The following MRPS27 variants were observed in gnomAD, a reference collection of about 807,000 sequenced individuals.
MRPS27 encodes small ribosomal subunit protein mS27.
MRPS27 carries 43 observed loss-of-function variants against 48.9 expected under a neutral mutation model. That is an observed-to-expected ratio of 0.88 (90% confidence interval 0.69 to 1.13). The LOEUF (loss-of-function observed/expected upper bound fraction) is 1.13. Ranked by LOEUF, MRPS27 falls within the 50% of genes most tolerant of loss-of-function variation. The pLI is 0.00. For missense variants in MRPS27, 467 were observed against 476.3 expected, an observed-to-expected ratio of 0.98 and a Z score of 0.18; for synonymous variants, 188 against 171.9, an observed-to-expected ratio of 1.09 and a Z score of -0.73.
intron 5 of MRPS27, among the ~76,000 whole-genome samples, chr5:72,236,735 A>G (rs1019750357): frequency 8.6e-5 from 13 of 151,934 alleles, no homozygotes; most frequent in Admixed American, 8.5e-4. Context: ...GTTCAGACTG[A>G]GTCTTTGTTT....
intron 4 of MRPS27, among the ~76,000 whole-genome samples, chr5:72,293,613 C>G (rs947270964): frequency 2.0e-5 from 3 of 152,150 alleles, no homozygotes; most frequent in Admixed American, 2.0e-4. Flanking sequence ...TGGAGAATGT[C>G]TAACTTATTC....
rs569177923 is a variant in MRPS27 at position 72,266,577 on chromosome 5, A to G, written c.282-28449T>C. ...AGAAGCAGCAAAGAAGATGAAGCCC[A>G]TGCTGGGCGTGGTGGCTCACGCCTG... On this transcript the variant is annotated intron_variant, in intron 4 of 10. Transcript: ENST00000261413. 4.5e-4 allele frequency among the ~76,000 whole-genome samples: 69 copies of G among 152,326 alleles called. 1 individual carries two copies. Among genetic ancestry groups the G allele is most frequent in the African/African-American group, 1.6e-3 (66 of 41,580 alleles).
At chr5:72,308,580 G>GATTC (rs1750348817) in intron 2 of MRPS27, among the ~76,000 whole-genome samples, 1 of 152,234 alleles carries the variant, frequency 6.6e-6, no homozygotes, top group South Asian at 2.1e-4. Context: ...TCCCGCAGGG[G>GATTC]CCACACTGCC....
chr5:72,259,034 A>G (rs1455396584), intron 4 of MRPS27, among the ~76,000 whole-genome samples: 1 of 151,676 alleles, frequency 6.6e-6, no homozygotes, highest in East Asian at 1.9e-4. Flanking sequence ...CCCTCCCCCA[A>G]CCATGGTTCT....
rs1748644988 is a variant in MRPS27 at position 72,250,801 on chromosome 5, TG to T, written c.282-12674del. ...TATTTTTAAAGACAAGGTCTCACTC[TG>T]TCACCCAGGCTGGAGTGCAGTGGCG... On this transcript the variant is annotated intron_variant, in intron 4 of 10. Coordinates refer to ENST00000261413, the MANE Select transcript of MRPS27 (RefSeq NM_015084.3). Among the ~76,000 whole-genome samples the T allele has an allele frequency of 2.0e-5, 3 of 152,226 alleles. No homozygotes were observed. The South Asian group carries it at 6.2e-4, about 32-fold the overall frequency.
chr5:72,257,290 G>C (rs1164717214), intron 4 of MRPS27, among the ~76,000 whole-genome samples: 1 of 152,182 alleles, frequency 6.6e-6, no homozygotes, highest in East Asian at 1.9e-4. Context: ...ATCTTGAACA[G>C]CTTGAACAGA....
At chr5:72,317,470 C>T (rs1045896655) in intron 1 of MRPS27, among the ~76,000 whole-genome samples, 2 of 149,146 alleles carry the variant, frequency 1.3e-5, no homozygotes, top group African/African-American at 5.0e-5. Flanking sequence ...AAGGCGGAGG[C>T]CTTCCAGGTT....
At chr5:72,223,200 G>T (rs1266943005) in intron 10 of MRPS27, among the ~76,000 whole-genome samples, 1 of 152,206 alleles carries the variant, frequency 6.6e-6, no homozygotes, top group East Asian at 1.9e-4. Flanking sequence ...CAGCTTCTAT[G>T]CAGCACAAGA....
rs1747708859 is a variant in MRPS27 at position 72,220,391 on chromosome 5, T to C, written c.*518A>G. The C allele has an allele frequency of 6.5e-6, 1 of 153,662 alleles. No homozygotes were observed. Among genetic ancestry groups the C allele is most frequent in the African/African-American group, 2.4e-5 (1 of 41,442 alleles). The allele number at this position is 153,662 out of a possible 1,614,324, so 9.5% of individuals were successfully genotyped here. On this transcript the variant is annotated 3_prime_UTR_variant, in exon 11 of 11. Coordinates refer to ENST00000261413, the MANE Select transcript of MRPS27 (RefSeq NM_015084.3). The stretch of plus-strand genomic sequence containing the variant: ...CAAAAATTAGAAAGGTGTGGTGGTA[T>C]GCACCTGTAATCCCACCTACTAAAG...
chr5:72,298,711 T>A (rs1381091776), intron 2 of MRPS27, among the ~76,000 whole-genome samples: 3 of 56,366 alleles, frequency 5.3e-5, no homozygotes, highest in Admixed American at 2.5e-4. Context: ...AGACTCCGTC[T>A]CAAAAAAAAA....
chr5:72,291,744 G>A (rs1749825130), intron 4 of MRPS27, among the ~76,000 whole-genome samples: 1 of 152,228 alleles, frequency 6.6e-6, no homozygotes, highest in African/African-American at 2.4e-5. Flanking sequence ...ACACCGATAA[G>A]GCAGCTGGAG....
At chr5:72,253,017 T>A (rs1418373993) in intron 4 of MRPS27, among the ~76,000 whole-genome samples, 1 of 152,206 alleles carries the variant, frequency 6.6e-6, no homozygotes, top group Admixed American at 6.5e-5. Context: ...CACTAACTTG[T>A]ATGAAGACTT....
chr5:72,228,595 AAAT>A, intron 7 of MRPS27: 1 of 382,654 alleles, frequency 2.6e-6, no homozygotes, highest in Non-Finnish European at 4.6e-6. Flanking sequence ...TTGGGCAGTG[AAAT>A]TATGAGTAAT....
intron 3 of MRPS27, among the ~76,000 whole-genome samples, chr5:72,296,136 ATC>A (rs970571505): frequency 6.6e-5 from 10 of 152,144 alleles, no homozygotes; most frequent in Non-Finnish European, 1.3e-4. Flanking sequence ...AAACCATAAA[ATC>A]TCTGAGTATG....
intron 4 of MRPS27, among the ~76,000 whole-genome samples, chr5:72,280,852 C>T (rs1749515685): frequency 6.6e-6 from 1 of 152,252 alleles, no homozygotes; most frequent in Admixed American, 6.5e-5. Context: ...CTTCTCCCTT[C>T]TTCACAGATA....
intron 2 of MRPS27, among the ~76,000 whole-genome samples, chr5:72,313,723 A>G (rs867687454): frequency 6.6e-6 from 1 of 152,198 alleles, no homozygotes; most frequent in Non-Finnish European, 1.5e-5. Context: ...GAAGACCACA[A>G]GAGGAGTTAA....
chr5:72,310,403 G>GA (rs1561365358), intron 2 of MRPS27, among the ~76,000 whole-genome samples: 1 of 152,126 alleles, frequency 6.6e-6, no homozygotes, highest in East Asian at 1.9e-4. Context: ...TATCAAAAAA[G>GA]AGGGGGGTGG....
chr5:72,264,350 T>C (rs1162191060), intron 4 of MRPS27, among the ~76,000 whole-genome samples: 6 of 152,168 alleles, frequency 3.9e-5, no homozygotes, highest in Non-Finnish European at 2.9e-5. Flanking sequence ...TTAATGACAC[T>C]GAGTTGTTCA....
intron 4 of MRPS27, among the ~76,000 whole-genome samples, chr5:72,281,747 G>A (rs1169265121): frequency 6.6e-6 from 1 of 152,198 alleles, no homozygotes; most frequent in African/African-American, 2.4e-5. Context: ...CTATTATTCA[G>A]CAAATGGAGG....
Sources: allele counts gnomAD v4.1 joint callset (sites outside exome capture counted in the v4.1 genomes callset), GRCh38; gene constraint gnomAD v4.1.1; transcripts MANE v1.5; gene names NCBI Gene and HGNC (gene_info 2026-07-23, HGNC 2026-07-21).